The following ACAP2 variants were observed in gnomAD, a reference collection of about 807,000 sequenced individuals.
ACAP2 encodes the protein arf-GAP with coiled-coil, ANK repeat and PH domain-containing protein 2.
A neutral mutation model predicts 115.8 loss-of-function variants in ACAP2; 39 were observed. That is an observed-to-expected ratio of 0.34 (90% CI 0.26 to 0.44). The LOEUF is 0.44. Ranked by LOEUF, ACAP2 falls within the 20% of genes least tolerant of loss-of-function variation. The pLI is 1.00. For synonymous variants in ACAP2, 289 were observed against 315.8 expected (o/e 0.92, Z 0.90); for missense variants, 662 against 927.6 (o/e 0.71, Z 3.72).
chr3:195,302,811 G>A (rs564410237), intron 13 of ACAP2, among the ~76,000 whole-genome samples: 1 of 152,294 alleles, frequency 6.6e-6, no homozygotes, highest in South Asian at 2.1e-4. Context: ...TTTTGGCCGA[G>A]AGCGGTGTCA....
intron 15 of ACAP2, among the ~76,000 whole-genome samples, chr3:195,301,060 T>G (rs1728014995): frequency 6.6e-6 from 1 of 152,076 alleles, no homozygotes. Context: ...AAGAGTGCTA[T>G]ATATAAATAT....
chr3:195,424,283 A>ATAT (rs1179576221), intron 1 of ACAP2, among the ~76,000 whole-genome samples: 15 of 54,112 alleles, frequency 2.8e-4, no homozygotes, highest in South Asian at 5.3e-4. Context: ...ATATATATAT[A>ATAT]TTTTTTTTTT....
intron 7 of ACAP2, among the ~76,000 whole-genome samples, chr3:195,335,128 CTG>C (rs944293976): frequency 6.6e-6 from 1 of 152,078 alleles, no homozygotes; most frequent in Non-Finnish European, 1.5e-5. Context: ...ATTCAAATTT[CTG>C]TGTTTATAAA....
At position 195,292,472 on chromosome 3, in the gene ACAP2, A is replaced by ATTAT. The variant is rs778159079; in HGVS notation, c.1766-21_1766-20insATAA. 8.3e-6 allele frequency: 13 copies of ATTAT among 1,566,094 alleles called. 1 individual carries two copies. In the South Asian group the frequency reaches 1.6e-4, roughly 19 times the overall value. On this transcript the variant is annotated intron_variant, in intron 18 of 22. Transcript: ENST00000326793. Reference sequence around the variant, plus strand: ...CTCCTTCTGAAAAGCAAACACATACACATCAATAAAAATGAGCTCTTGGCA... The same window carrying ATTAT: ...CTCCTTCTGAAAAGCAAACACATACATTATCATCAATAAAAATGAGCTCTTGGCA...
At chr3:195,397,423 C>T (rs1043652993) in intron 1 of ACAP2, among the ~76,000 whole-genome samples, 1 of 152,056 alleles carries the variant, frequency 6.6e-6, no homozygotes. Flanking sequence ...TGAGATTACT[C>T]CCTCTGTTTT....
At chr3:195,399,444 A>G (rs1222555144) in intron 1 of ACAP2, among the ~76,000 whole-genome samples, 1 of 152,172 alleles carries the variant, frequency 6.6e-6, no homozygotes, top group East Asian at 1.9e-4. Context: ...CCAGCCTCCC[A>G]AAGTACTAGG....
intron 10 of ACAP2, among the ~76,000 whole-genome samples, chr3:195,315,727 C>T (rs73890763): frequency 0.023 from 3,497 of 152,292 alleles, 135 homozygotes; most frequent in African/African-American, 0.079. Flanking sequence ...ACATAGATGG[C>T]ATCTCCTTTA....
Position 195,320,731 on chromosome 3 carries a change from C to T in ACAP2, c.827G>A (p.Arg276Gln). The change falls in exon 10 of 23, where the codon CGA (arginine) becomes CAA (glutamine). Residue 276 changes from arginine to glutamine, a missense_variant. By Grantham distance (43) the Arg-to-Gln change is conservative. Coordinates refer to ENST00000326793, the MANE Select transcript of ACAP2 (RefSeq NM_012287.6). ...CCAAGTTTTGAAGGCATTGCTGGCT[C>T]GTTTGAACAGATATCCTTCCATAAC... Reference protein sequence around the residue: ...GIVMEGYLFKRASNAFKTWNR... With the variant: ...GIVMEGYLFKQASNAFKTWNR... The T allele has an allele frequency of 6.2e-7, 1 of 1,613,364 alleles. No individual in the cohort carries two copies. The highest frequency in any genetic ancestry group is 8.5e-7 in the Non-Finnish European group (1 of 1,179,534).
chr3:195,403,679 G>A (rs1430278267), intron 1 of ACAP2, among the ~76,000 whole-genome samples: 1 of 152,222 alleles, frequency 6.6e-6, no homozygotes, highest in Admixed American at 6.5e-5. Flanking sequence ...CAAAGTTTCA[G>A]GCTGGAGCAA....
intron 4 of ACAP2, among the ~76,000 whole-genome samples, chr3:195,365,391 T>C (rs1455832259): frequency 6.6e-6 from 1 of 152,162 alleles, no homozygotes; most frequent in African/African-American, 2.4e-5. Context: ...AATACACACC[T>C]ACTATGCACC....
intron 1 of ACAP2, among the ~76,000 whole-genome samples, chr3:195,426,874 T>C (rs763677347): frequency 5.3e-5 from 8 of 152,136 alleles, no homozygotes; most frequent in Non-Finnish European, 1.0e-4. Flanking sequence ...GCATGTGGAA[T>C]AGAGGTGAAT....
At chr3:195,439,077 C>A (rs952971402) in intron 1 of ACAP2, among the ~76,000 whole-genome samples, 2 of 151,028 alleles carry the variant, frequency 1.3e-5, no homozygotes, top group East Asian at 3.9e-4. Flanking sequence ...AAAAAAGAAT[C>A]ATATCTGAAA....
intron 1 of ACAP2, among the ~76,000 whole-genome samples, chr3:195,406,342 G>A (rs1712767476): frequency 6.6e-6 from 1 of 152,090 alleles, no homozygotes; most frequent in Non-Finnish European, 1.5e-5. Flanking sequence ...TGTGTACTCA[G>A]GCTGGGCATT....
At chr3:195,335,202 A>G (rs1015180299) in intron 7 of ACAP2, among the ~76,000 whole-genome samples, 3 of 152,306 alleles carry the variant, frequency 2.0e-5, no homozygotes, top group South Asian at 2.1e-4. Context: ...TCATTATAAT[A>G]GCACAGTTGA....
At chr3:195,427,994 T>TAC (rs76496976) in intron 1 of ACAP2, among the ~76,000 whole-genome samples, 25 of 150,596 alleles carry the variant, frequency 1.7e-4, no homozygotes, top group Admixed American at 3.3e-4. Context: ...TATATATATA[T>TAC]ACACACACAC....
intron 8 of ACAP2, among the ~76,000 whole-genome samples, chr3:195,329,336 G>A (rs928241336): frequency 1.2e-4 from 18 of 152,082 alleles, no homozygotes; most frequent in African/African-American, 4.1e-4. Context: ...GTTAGTACTG[G>A]ACATTATCAA....
intron 4 of ACAP2, among the ~76,000 whole-genome samples, chr3:195,372,328 C>T (rs553305078): frequency 3.9e-5 from 6 of 152,214 alleles, no homozygotes; most frequent in East Asian, 1.9e-4. Flanking sequence ...ATGACTAATG[C>T]TACTCTATCA....
chr3:195,400,026 A>G (rs1000436641), intron 1 of ACAP2, among the ~76,000 whole-genome samples: 4 of 151,904 alleles, frequency 2.6e-5, no homozygotes, highest in Non-Finnish European at 5.9e-5. Flanking sequence ...TAAAAATACA[A>G]AATTAGCCGG....
intron 9 of ACAP2, chr3:195,325,532 A>G: frequency 2.5e-6 from 1 of 404,018 alleles, no homozygotes; most frequent in Non-Finnish European, 4.7e-6. Flanking sequence ...TCTTTAAAGG[A>G]AAACAGTTGA....
Sources: gnomAD v4.1 joint callset for allele counts (sites outside exome capture counted in the v4.1 genomes callset) on GRCh38, gnomAD v4.1.1 for gene constraint, MANE v1.5 for transcripts, NCBI Gene and HGNC (gene_info 2026-07-23, HGNC 2026-07-21) for gene names.